Variants in CDC7 observed in about 807,000 individuals in gnomAD.
CDC7 encodes the protein cell division cycle 7.
A neutral mutation model predicts 53.5 loss-of-function variants in CDC7; 34 were observed. The ratio of observed to expected loss-of-function variants is 0.64; its 90% CI spans 0.48 to 0.85. The LOEUF (loss-of-function observed/expected upper bound fraction) is 0.85. Ranked by LOEUF, CDC7 falls within the 40% of genes least tolerant of loss-of-function variation. CDC7 has a pLI of 0.00. For missense variants in CDC7, 594 were observed against 679.7 expected, an observed-to-expected ratio of 0.87 and a Z score of 1.40; for synonymous variants, 211 against 222.8, an observed-to-expected ratio of 0.95 and a Z score of 0.47.
intron 11 of CDC7, among the ~76,000 whole-genome samples, chr1:91,523,311 C>CT (rs984483904): frequency 3.9e-5 from 6 of 152,110 alleles, no homozygotes; most frequent in African/African-American, 9.7e-5. Flanking sequence ...AACAGCATCT[C>CT]TAAGGATGTA....
chr1:91,514,838 CTG>C lies in CDC7; in HGVS notation c.941_942del (p.Val314GlyfsTer5). The C allele has an allele frequency of 1.9e-6, 3 of 1,605,544 alleles. No individual in the cohort carries two copies. The East Asian group carries it at 6.7e-5, about 36-fold the overall frequency. On this transcript the variant is annotated frameshift_variant, in exon 9 of 12. Transcript: ENST00000234626. LOFTEE classifies it high-confidence loss of function. ...TTACAGCTCATGAAGCAGTCAAAGA[CTG>C]TGGATGTACTGTCTAGAAAGTTAGC... is the stretch of plus-strand genomic sequence containing the variant.
chr1:91,506,303 T>C (rs1346060826), intron 2 of CDC7, among the ~76,000 whole-genome samples: 1 of 152,038 alleles, frequency 6.6e-6, no homozygotes, highest in African/African-American at 2.4e-5. Flanking sequence ...CCAGGCCACA[T>C]TGTATTTCAT....
rs377602675 is a variant in CDC7, at chr1:91,503,934, C to T, written c.115+2103C>T. Among the ~76,000 whole-genome samples, 142 of 151,850 alleles carry T rather than the reference C, an allele frequency of 9.4e-4. 1 individual carries two copies. Among genetic ancestry groups the T allele is most frequent in the African/African-American group, 3.3e-3 (137 of 41,378 alleles). Reference sequence around the variant, plus strand: ...GAATATTGCTCATGTAGTAAATATTCTACAACTGGATTTAAGGTCCATTGC... The same window carrying T: ...GAATATTGCTCATGTAGTAAATATTTTACAACTGGATTTAAGGTCCATTGC... On this transcript the variant is annotated intron_variant, in intron 2 of 11. Transcript: ENST00000234626.
At chr1:91,505,430 A>G (rs1015162833) in intron 2 of CDC7, among the ~76,000 whole-genome samples, 1 of 152,198 alleles carries the variant, frequency 6.6e-6, no homozygotes, top group Admixed American at 6.5e-5. Flanking sequence ...ACTGGCTACT[A>G]TGTTACAGAT....
intron 10 of CDC7, among the ~76,000 whole-genome samples, chr1:91,518,537 A>T (rs1667725683): frequency 6.6e-6 from 1 of 152,226 alleles, no homozygotes; most frequent in East Asian, 1.9e-4. Context: ...ACTTACACAC[A>T]ATGGAAGTAC....
intron 10 of CDC7, among the ~76,000 whole-genome samples, chr1:91,519,021 A>C (rs1667755153): frequency 6.7e-6 from 1 of 150,224 alleles, no homozygotes; most frequent in Non-Finnish European, 1.5e-5. Flanking sequence ...AGATCACACT[A>C]CCACACTCTA....
chr1:91,501,580 G>C, intron 1 of CDC7, 74 bp from the exon 2 acceptor site: 1 of 695,054 alleles, frequency 1.4e-6, no homozygotes, highest in Non-Finnish European at 2.6e-6. Flanking sequence ...TTGCCCCTTT[G>C]GGGGGCAGTA....
At position 91,515,833 on chromosome 1, in the gene CDC7, C is replaced by G; in HGVS notation, c.1137C>G (p.Phe379Leu). The change falls in exon 10 of 12, where the codon TTC (phenylalanine) becomes TTG (leucine). Residue 379 changes from phenylalanine to leucine, a missense_variant. Phe to Leu is a conservative substitution (Grantham distance 22). Coordinates refer to ENST00000234626, the MANE Select transcript of CDC7 (RefSeq NM_003503.4). ...CCCCTAGGGCAGGTACACCAGGATT[C>G]AGAGCACCAGAGGTCTTGACAAAGT... is the stretch of plus-strand genomic sequence containing the variant. ...QVAPRAGTPG[F>L]RAPEVLTKCP... 6.2e-7 allele frequency: 1 copy of G among 1,613,826 alleles called. No individual in the cohort carries two copies. Among genetic ancestry groups the G allele is most frequent in the Non-Finnish European group, 8.5e-7 (1 of 1,179,832 alleles).
chr1:91,505,729 T>C (rs1005034563), intron 2 of CDC7, among the ~76,000 whole-genome samples: 2 of 152,244 alleles, frequency 1.3e-5, no homozygotes, highest in African/African-American at 2.4e-5. Flanking sequence ...CTTCAGAATT[T>C]GAGGATATTG....
chr1:91,519,242 C>T (rs1667771498), intron 10 of CDC7, among the ~76,000 whole-genome samples: 1 of 119,076 alleles, frequency 8.4e-6, no homozygotes, highest in Non-Finnish European at 1.7e-5. Flanking sequence ...AAAACCTCGT[C>T]TCTACTAAAA....
At chr1:91,506,106 C>T (rs1666973488) in intron 2 of CDC7, among the ~76,000 whole-genome samples, 2 of 152,164 alleles carry the variant, frequency 1.3e-5, no homozygotes, top group Admixed American at 1.3e-4. Flanking sequence ...CTCCTGGGCT[C>T]AAGGTATCCT....
chr1:91,513,165 AATCCCAC>A lies in CDC7; in HGVS notation c.683_689del (p.Ser228Ter), dbSNP rs780309556. On this transcript the variant is annotated frameshift_variant, in exon 7 of 12. Coordinates refer to ENST00000234626, the MANE Select transcript of CDC7 (RefSeq NM_003503.4). LOFTEE classifies it high-confidence loss of function. ...CAGCAGGAAAGGTGTTCACAAAACA[AATCCCAC>A]ATAATCACAGGAAACAAGATTCCAC... is the stretch of plus-strand genomic sequence containing the variant. 1 of 1,613,832 alleles carries A rather than the reference AATCCCAC, an allele frequency of 6.2e-7. No homozygotes were observed. Among genetic ancestry groups the A allele is most frequent in the East Asian group, 2.2e-5 (1 of 44,866 alleles).
At chr1:91,508,151 C>A in intron 3 of CDC7, 111 bp from the exon 4 acceptor site, 1 of 815,466 alleles carries the variant, frequency 1.2e-6, no homozygotes, top group Non-Finnish European at 1.8e-6. Context: ...AAAATGAAGT[C>A]CTGTTTTAAT....
chr1:91,507,962 A>G (rs1159919999), intron 3 of CDC7, 25 bp downstream of exon 3: 1 of 1,529,586 alleles, frequency 6.5e-7, no homozygotes, highest in East Asian at 2.4e-5. Flanking sequence ...TGCTTTTACT[A>G]TTTTTACGAG....
chr1:91,511,003 C>A (rs1249875063), intron 4 of CDC7, among the ~76,000 whole-genome samples: 1 of 152,116 alleles, frequency 6.6e-6, no homozygotes, highest in African/African-American at 2.4e-5. Context: ...ACTGACTTCT[C>A]ACTTGTCTTC....
intron 4 of CDC7, among the ~76,000 whole-genome samples, chr1:91,510,500 G>C (rs367607807): frequency 1.2e-4 from 19 of 152,258 alleles, no homozygotes; most frequent in African/African-American, 4.1e-4. Context: ...GAATGAATAA[G>C]CCTGTTTGTT....
At chr1:91,501,308 T>C (rs568593147) in intron 1 of CDC7, 1 of 177,144 alleles carries the variant, frequency 5.6e-6, no homozygotes, top group East Asian at 1.5e-4. Context: ...GAAAAGGTTT[T>C]CTCCCTCAGT....
chr1:91,511,564 C>A (rs1361927767), intron 4 of CDC7, 33 bp from the exon 5 acceptor site: 1 of 1,403,196 alleles, frequency 7.1e-7, no homozygotes, highest in Non-Finnish European at 1.0e-6. Context: ...TCTGACCTTT[C>A]TTCTAAAAGT....
chr1:91,513,827 A>T (rs892195042), intron 7 of CDC7, 121 bp from the exon 8 acceptor site: 1 of 635,722 alleles, frequency 1.6e-6, no homozygotes, highest in Non-Finnish European at 2.8e-6. Context: ...CCTGAGAATG[A>T]CTTGGATGCA....
Sources: allele counts gnomAD v4.1 joint callset (sites outside exome capture counted in the v4.1 genomes callset), GRCh38; gene constraint gnomAD v4.1.1; transcripts MANE v1.5; gene names NCBI Gene and HGNC (gene_info 2026-07-23, HGNC 2026-07-21).